EP300: variants seen among roughly 807,000 people sequenced by gnomAD.
EP300 encodes the protein histone acetyltransferase p300.
A neutral mutation model predicts 264.0 loss-of-function variants in EP300; 31 were observed. The observed-to-expected ratio is 0.12, with a 90% CI of 0.09 to 0.16. The LOEUF is 0.16. Among genes scored for constraint, EP300 ranks in the 10% least tolerant of loss-of-function variants. The probability of loss-of-function intolerance (pLI) is 1.00; values close to 1 mark genes in which losing one functional copy is unlikely to be tolerated. For missense variants in EP300, 2,766 were observed against 3,052.9 expected, an observed-to-expected ratio of 0.91 and a Z score of 2.21; for synonymous variants, 1,340 against 1,045.4, an observed-to-expected ratio of 1.28 and a Z score of -5.44.
chr22:41,139,946 T>G (rs548267239), intron 8 of EP300, among the ~76,000 whole-genome samples, 194 bp from the exon 9 acceptor site: 2 of 152,336 alleles, frequency 1.3e-5, no homozygotes, highest in East Asian at 1.9e-4. Flanking sequence ...ATAGAGTCAT[T>G]TCTTATATTG....
intron 12 of EP300, chr22:41,148,733 A>G (rs2059026219): frequency 2.3e-6 from 1 of 429,954 alleles, no homozygotes; most frequent in South Asian, 2.3e-5. Context: ...AGAGCATGCA[A>G]AGAAAATTAC....
intron 1 of EP300, among the ~76,000 whole-genome samples, chr22:41,108,833 A>T (rs1405260242): frequency 1.3e-5 from 2 of 152,220 alleles, no homozygotes; most frequent in African/African-American, 4.8e-5. Context: ...TCATTTCAAC[A>T]GTCATTTGTG....
chr22:41,152,085 C>T, intron 15 of EP300, 73 bp downstream of exon 15: 1 of 1,593,804 alleles, frequency 6.3e-7, no homozygotes, highest in Non-Finnish European at 8.6e-7. Context: ...AAAAATATTG[C>T]AGAAAAATAT....
chr22:41,146,501 A>G (rs1355312240), intron 10 of EP300: 3 of 525,918 alleles, frequency 5.7e-6, no homozygotes, highest in South Asian at 2.1e-5. Flanking sequence ...TTCTATCAAC[A>G]TTGAAAGCAC....
chr22:41,135,223 C>A (rs1223827055), intron 6 of EP300, among the ~76,000 whole-genome samples: 1 of 152,190 alleles, frequency 6.6e-6, no homozygotes, highest in Non-Finnish European at 1.5e-5. Context: ...CCATGTTACG[C>A]AGAATGCACT....
chr22:41,129,263 G>A (rs978492879), intron 4 of EP300, among the ~76,000 whole-genome samples: 14 of 152,036 alleles, frequency 9.2e-5, no homozygotes, highest in Non-Finnish European at 1.8e-4. Flanking sequence ...CGCCCGCCTC[G>A]GCCTCCCAAA....
chr22:41,111,013 C>T (rs1231423451), intron 1 of EP300, among the ~76,000 whole-genome samples: 1 of 150,746 alleles, frequency 6.6e-6, no homozygotes, highest in African/African-American at 2.4e-5. Flanking sequence ...TCACCCAGGC[C>T]GGAATGCAGT....
intron 14 of EP300, among the ~76,000 whole-genome samples, chr22:41,150,629 T>G (rs2059038635): frequency 6.6e-6 from 1 of 151,940 alleles, no homozygotes; most frequent in Non-Finnish European, 1.5e-5. Context: ...TGGTGTACAC[T>G]TTTCATCCTA....
In EP300 at chr22:41,157,234, A is replaced by C. The variant is rs746451043; in HGVS notation, c.3327A>C (p.Gly1109=). Residue 1109 remains glycine, a synonymous_variant, in exon 18 of 31, where the codon GGA becomes GGC. Transcript: ENST00000263253. ...LSTIKRKLDT[G]QYQEPWQYVD... is the part of the protein sequence containing the mutation. The stretch of plus-strand genomic sequence containing the variant: ...CCATTAAGAGGAAGTTAGACACTGG[A>C]CAGTATCAGGAGCCCTGGCAGTATG... 3 of 1,614,148 alleles carry C rather than the reference A, an allele frequency of 1.9e-6. No individual in the cohort carries two copies. The South Asian group carries it at 3.3e-5, about 18-fold the overall frequency.
intron 1 of EP300, among the ~76,000 whole-genome samples, chr22:41,100,454 A>T (rs190516471): frequency 5.9e-5 from 9 of 152,260 alleles, no homozygotes; most frequent in Admixed American, 2.6e-4. Context: ...GTATAAGAAT[A>T]TAGGAACAGA....
chr22:41,155,074 C>G lies in EP300; in HGVS notation c.3222C>G (p.Pro1074=), dbSNP rs1569109961. The change falls in exon 17 of 31, where the codon CCC becomes CCG. Residue 1074 remains proline (P), a synonymous_variant. Coordinates refer to ENST00000263253, the MANE Select transcript of EP300 (RefSeq NM_001429.4). ...ALYRQDPESL[P]FRQPVDPQLL... is the part of the protein sequence containing the mutation. ...ACCGTCAGGATCCAGAATCCCTTCC[C>G]TTTCGTCAACCTGTGGACCCTCAGC... 1.2e-6 allele frequency: 2 copies of G among 1,614,064 alleles called. No individual in the cohort carries two copies. Among genetic ancestry groups the G allele is most frequent in the Non-Finnish European group, 1.7e-6 (2 of 1,179,940 alleles).
At position 41,114,151 on chromosome 22, in the gene EP300, G is replaced by T. The variant is rs138554202; in HGVS notation, c.95-3036G>T. Among the ~76,000 whole-genome samples, 3 of 152,228 alleles carry T rather than the reference G, an allele frequency of 2.0e-5. No individual in the cohort carries two copies. The East Asian group carries it at 5.8e-4, about 29-fold the overall frequency. ...ATTTTTGAATAGTGGTTTTAGGTCA[G>T]TTTTGTTACACATTTGGGTATTTGT... On this transcript the variant is annotated intron_variant, in intron 1 of 30. Transcript: ENST00000263253.
intron 2 of EP300, among the ~76,000 whole-genome samples, chr22:41,122,765 C>T (rs996879526): frequency 1.3e-5 from 2 of 151,684 alleles, no homozygotes; most frequent in African/African-American, 2.4e-5. Context: ...ATTTAAAGAA[C>T]GAATTTTAGG....
At position 41,092,646 on chromosome 22, in the gene EP300, C is replaced by T. The variant is rs1357379463; in HGVS notation, c.-359C>T. ...AGAGGTTGATGGCGGCGGCGGAGCT[C>T]CGAGAGACCTCGGCTGGGCAGGGGC... On this transcript the variant is annotated 5_prime_UTR_variant, in exon 1 of 31. Coordinates refer to ENST00000263253, the MANE Select transcript of EP300 (RefSeq NM_001429.4). The T allele has an allele frequency of 3.2e-6, 2 of 631,642 alleles. No homozygotes were observed. The highest frequency in any genetic ancestry group is 2.7e-5 in the East Asian group (1 of 36,946). 39.1% of individuals were successfully genotyped at this position (631,642 alleles called of 1,614,324 possible). A position where few individuals can be genotyped will look rare whatever the true frequency, so the allele number is the denominator to read the frequency against.
In EP300 at chr22:41,168,840, G is replaced by A. The variant is rs2145763857; in HGVS notation, c.4145G>A (p.Gly1382Asp). ...TTTGGCATGCATGTTCAAGAGTATG[G>A]CTCTGACTGCCCTCCACCCAACCAG... ...CFFGMHVQEY[G>D]SDCPPPNQRR... The change falls in exon 25 of 31, where the codon GGC becomes GAC. Residue 1382 changes from glycine (G) to aspartate (D), a missense_variant. Gly to Asp is a moderately conservative substitution (Grantham distance 94). Coordinates refer to ENST00000263253, the MANE Select transcript of EP300 (RefSeq NM_001429.4). 1.9e-6 allele frequency: 3 copies of A among 1,614,156 alleles called. No individual in the cohort carries two copies. Among genetic ancestry groups the A allele is most frequent in the African/African-American group, 1.3e-5 (1 of 75,028 alleles).
At chr22:41,150,278 C>T in intron 14 of EP300, 80 bp downstream of exon 14, 1 of 1,452,914 alleles carries the variant, frequency 6.9e-7, no homozygotes, top group Non-Finnish European at 9.3e-7. Context: ...TTTCCATTCT[C>T]TTTTGCTTTA....
intron 23 of EP300, among the ~76,000 whole-genome samples, chr22:41,167,814 G>GGTTTTGTTTTTTT (rs71328778): frequency 1.5e-5 from 1 of 66,208 alleles, no homozygotes; most frequent in South Asian, 7.2e-4. Context: ...GTTTGTTTTT[G>GGTTTTGTTTTTTT]TTTTTTTTTT....
At chr22:41,115,225 A>T (rs2058814311) in intron 1 of EP300, among the ~76,000 whole-genome samples, 1 of 152,162 alleles carries the variant, frequency 6.6e-6, no homozygotes, top group Non-Finnish European at 1.5e-5. Flanking sequence ...CCCCCAGGGG[A>T]TGTTTGGTGA....
intron 1 of EP300, among the ~76,000 whole-genome samples, chr22:41,107,850 G>A (rs1249161441): frequency 6.6e-6 from 1 of 151,822 alleles, no homozygotes; most frequent in Non-Finnish European, 1.5e-5. Context: ...ACAGGCATGT[G>A]CCACCACACC....
Sources: gnomAD v4.1 joint callset for allele counts (sites outside exome capture counted in the v4.1 genomes callset) on GRCh38, gnomAD v4.1.1 for gene constraint, MANE v1.5 for transcripts, NCBI Gene and HGNC (gene_info 2026-07-23, HGNC 2026-07-21) for gene names.